RPE65: variants seen among roughly 807,000 people sequenced by gnomAD.
RPE65 encodes the protein retinoid isomerohydrolase.
Under a neutral mutation model 68.5 loss-of-function variants are expected in RPE65, and 58 were observed. The observed-to-expected ratio is 0.85, with a 90% CI of 0.69 to 1.05. The LOEUF is 1.05. Among genes scored for constraint, RPE65 ranks in the 50% least tolerant of loss-of-function variants. RPE65 has a pLI of 0.00. For synonymous variants in RPE65, 220 were observed against 222.2 expected (o/e 0.99, Z 0.09); for missense variants, 643 against 629.9 (o/e 1.02, Z -0.22).
intron 10 of RPE65, among the ~76,000 whole-genome samples, chr1:68,436,245 G>T (rs1230612798): frequency 6.6e-6 from 1 of 152,020 alleles, no homozygotes; most frequent in Non-Finnish European, 1.5e-5. Context: ...CTACATGTCA[G>T]TGATATGCTT....
At chr1:68,439,817 A>G (rs1012754333) in intron 6 of RPE65, among the ~76,000 whole-genome samples, 175 bp from the exon 7 acceptor site, 2 of 152,136 alleles carry the variant, frequency 1.3e-5, no homozygotes, top group Non-Finnish European at 2.9e-5. Context: ...AAGCTGCAAA[A>G]TCACCCAGGA....
rs765578176 is a variant in RPE65, at chr1:68,449,859, G to A, written c.11+36C>T. The stretch of plus-strand genomic sequence containing the variant: ...AATAGCACATTTATCATGAATCCAT[G>A]AAGGTGTTTTAAAAAAGTCTCCCAG... On this transcript the variant is annotated intron_variant, in intron 1 of 13. Coordinates refer to ENST00000262340, the MANE Select transcript of RPE65 (RefSeq NM_000329.3). 1.5e-5 allele frequency: 24 copies of A among 1,609,136 alleles called. No individual in the cohort carries two copies. In the East Asian group the frequency reaches 5.1e-4, roughly 34 times the overall value.
At chr1:68,449,454 C>T (rs1223915977) in intron 1 of RPE65, among the ~76,000 whole-genome samples, 1 of 152,160 alleles carries the variant, frequency 6.6e-6, no homozygotes, top group Non-Finnish European at 1.5e-5. Flanking sequence ...TTTTACTAAA[C>T]AATTACTATG....
chr1:68,448,478 G>C (rs1389494388), intron 2 of RPE65, 146 bp downstream of exon 2: 2 of 709,460 alleles, frequency 2.8e-6, no homozygotes, highest in African/African-American at 1.8e-5. Flanking sequence ...AAAGAAAATG[G>C]GTTCTTGCTA....
At chr1:68,448,783 G>C (rs1006782630) in intron 1 of RPE65, 77 bp from the exon 2 acceptor site, 6 of 1,168,016 alleles carry the variant, frequency 5.1e-6, no homozygotes, top group Admixed American at 4.2e-5. Context: ...AGCTGCAGGA[G>C]AGAAGGCACT....
chr1:68,446,754 C>A lies in RPE65; in HGVS notation c.201G>T (p.Leu67=), dbSNP rs776272491. 6.2e-7 allele frequency: 1 copy of A among 1,614,148 alleles called. No individual in the cohort carries two copies. Among genetic ancestry groups the A allele is most frequent in the Non-Finnish European group, 8.5e-7 (1 of 1,180,032 alleles). The change falls in exon 3 of 14, where the codon CTG becomes CTT. Residue 67 remains leucine (L), a synonymous_variant. Transcript: ENST00000262340. ...GTCCTTCTTTAAAGTCAAACTTGTG[C>A]AGGAGGGCTTGCCCATCAAACAGGT... The part of the protein sequence containing the change: ...FYHLFDGQAL[L]HKFDFKEGHV...
intron 6 of RPE65, among the ~76,000 whole-genome samples, chr1:68,439,865 A>G (rs989720442): frequency 6.6e-6 from 1 of 152,162 alleles, no homozygotes; most frequent in African/African-American, 2.4e-5. Flanking sequence ...CGTGCACTCA[A>G]ATAGGGTTGT....
rs1311542427 is a variant in RPE65 at position 68,428,932 on chromosome 1, A to C, written c.*844T>G. ...ATGTTAATAATTTAATATTTTTCCC[A>C]AGTGATTGCACAATGCTTAAATACA... On this transcript the variant is annotated 3_prime_UTR_variant, in exon 14 of 14. Transcript: ENST00000262340. The C allele has an allele frequency of 6.6e-6, 1 of 152,150 alleles. No individual in the cohort carries two copies. The highest frequency in any genetic ancestry group is 1.5e-5 in the Non-Finnish European group (1 of 67,984). The allele number at this position is 152,150 out of a possible 1,614,324, so 9.4% of individuals were successfully genotyped here.
intron 10 of RPE65, 127 bp downstream of exon 10, chr1:68,438,060 C>T: frequency 1.7e-6 from 2 of 1,154,828 alleles, no homozygotes; most frequent in Non-Finnish European, 1.2e-6. Flanking sequence ...TTTAATTAGC[C>T]TATTTTTAAA....
intron 2 of RPE65, 86 bp downstream of exon 2, chr1:68,448,538 T>A (rs908330252): frequency 2.4e-6 from 3 of 1,241,906 alleles, no homozygotes; most frequent in African/African-American, 1.5e-5. Context: ...ACAGGGGGAG[T>A]CTGCACTGAG....
At chr1:68,442,820 T>C (rs569640612) in intron 5 of RPE65, among the ~76,000 whole-genome samples, 1 of 152,330 alleles carries the variant, frequency 6.6e-6, no homozygotes, top group East Asian at 1.9e-4. Flanking sequence ...CACTTGTATA[T>C]GGTTACACAC....
At chr1:68,448,788 G>T in intron 1 of RPE65, 82 bp from the exon 2 acceptor site, 1 of 1,115,498 alleles carries the variant, frequency 9.0e-7, no homozygotes, top group Non-Finnish European at 1.3e-6. Context: ...CAGGAGAGAA[G>T]GCACTCTAGG....
chr1:68,440,102 A>G (rs1045842917), intron 6 of RPE65, among the ~76,000 whole-genome samples: 1 of 152,234 alleles, frequency 6.6e-6, no homozygotes, highest in Admixed American at 6.5e-5. Flanking sequence ...TTTAGTGTGC[A>G]TCAGAATCAC....
intron 10 of RPE65, among the ~76,000 whole-genome samples, chr1:68,433,249 CCAA>C (rs1469005046): frequency 6.6e-6 from 1 of 152,084 alleles, no homozygotes; most frequent in Non-Finnish European, 1.5e-5. Context: ...CCAAGGCCCT[CCAA>C]CAAGACGAGG....
rs372270144 is a variant in RPE65 at position 68,448,104 on chromosome 1, C to T, written c.94+520G>A. On this transcript the variant is annotated intron_variant, in intron 2 of 13. Coordinates refer to ENST00000262340, the MANE Select transcript of RPE65 (RefSeq NM_000329.3). ...CTTAATTTTCACAACATCCTCATGA[C>T]GTAAATTTTGGGTTTTTGTAGGTAA... 3.3e-4 allele frequency among the ~76,000 whole-genome samples: 51 copies of T among 152,242 alleles called. 1 individual carries two copies. In the East Asian group the frequency reaches 4.4e-3, roughly 13 times the overall value.
chr1:68,429,715 T>G lies in RPE65; in HGVS notation c.*61A>C, dbSNP rs753379738. On this transcript the variant is annotated 3_prime_UTR_variant, in exon 14 of 14. Transcript: ENST00000262340. ...AGGCTAAAATTGAACAGAATTTGAT[T>G]GCAGACCTGAAGCTGATTTTCTCAG... The G allele has an allele frequency of 6.4e-5, 103 of 1,604,262 alleles. 1 individual carries two copies. In the Middle Eastern group the frequency reaches 3.5e-3, roughly 54 times the overall value.
chr1:68,439,553 C>G lies in RPE65; in HGVS notation c.725+8G>C, dbSNP rs1286528844. 6.2e-7 allele frequency: 1 copy of G among 1,613,438 alleles called. No homozygotes were observed. Among genetic ancestry groups the G allele is most frequent in the African/African-American group, 1.3e-5 (1 of 75,026 alleles). ...TTCCTGAAGATTCATAGCAGGCCTT[C>G]AAGTTACCTATGAACGTAAGATGGC... On this transcript the variant is annotated splice_region_variant and intron_variant, in intron 7 of 13. Transcript: ENST00000262340.
intron 10 of RPE65, among the ~76,000 whole-genome samples, chr1:68,434,304 T>G (rs1230763743): frequency 2.0e-5 from 3 of 151,940 alleles, no homozygotes; most frequent in African/African-American, 7.3e-5. Context: ...GAGGAGAAAC[T>G]GATTCCCCTG....
rs558869945 is a variant in RPE65, at chr1:68,432,089, A to G, written c.1129-504T>C. 2.2e-3 allele frequency among the ~76,000 whole-genome samples: 330 copies of G among 151,190 alleles called. 1 individual carries two copies. Among genetic ancestry groups the G allele is most frequent in the Non-Finnish European group, 3.9e-3 (263 of 67,850 alleles). ...AAAGAAAAAAAAAAAACGCTGGACC[A>G]TATGTTTCCTAAGATCTCTTGTCAC... On this transcript the variant is annotated intron_variant, in intron 10 of 13. Coordinates refer to ENST00000262340, the MANE Select transcript of RPE65 (RefSeq NM_000329.3).
Sources: allele counts gnomAD v4.1 joint callset (sites outside exome capture counted in the v4.1 genomes callset), GRCh38; gene constraint gnomAD v4.1.1; transcripts MANE v1.5; gene names NCBI Gene and HGNC (gene_info 2026-07-23, HGNC 2026-07-21).